Variants in PKD1L1 observed in about 807,000 individuals in gnomAD.
PKD1L1 encodes polycystin-1-like protein 1.
PKD1L1 carries 236 observed loss-of-function variants against 323.4 expected under a neutral mutation model. That is an observed-to-expected ratio of 0.73 (90% CI 0.66 to 0.81). The LOEUF (loss-of-function observed/expected upper bound fraction) is 0.81, where lower values mean the gene tolerates loss of function less well. PKD1L1 is among the 40% of genes least tolerant of loss of function. The pLI, the probability that PKD1L1 is intolerant of heterozygous loss-of-function variation, is 0.00. For synonymous variants in PKD1L1, 1,344 were observed against 1,335.0 expected (o/e 1.01, Z -0.15); for missense variants, 3,320 against 3,508.0 (o/e 0.95, Z 1.35).
chr7:47,934,293 C>A (rs1029400366), intron 4 of PKD1L1, among the ~76,000 whole-genome samples: 1 of 152,044 alleles, frequency 6.6e-6, no homozygotes, highest in Non-Finnish European at 1.5e-5. Flanking sequence ...TGGAAAAACA[C>A]AAACATGCGT....
intron 27 of PKD1L1, 103 bp from the exon 28 acceptor site, chr7:47,857,935 T>C (rs1357351489): frequency 2.7e-6 from 3 of 1,108,206 alleles, no homozygotes; most frequent in Non-Finnish European, 3.9e-6. Flanking sequence ...AAAGCCCATC[T>C]CAAGTTAGAT....
chr7:47,922,688 T>C, intron 7 of PKD1L1, among the ~76,000 whole-genome samples: 1 of 151,468 alleles, frequency 6.6e-6, no homozygotes, highest in African/African-American at 2.4e-5. Flanking sequence ...CTGCCCCGTC[T>C]GGGAAGTGAG....
At chr7:47,881,870 A>G in intron 20 of PKD1L1, 39 bp downstream of exon 20, 1 of 1,524,338 alleles carries the variant, frequency 6.6e-7, no homozygotes, top group Non-Finnish European at 8.8e-7. Context: ...AAGCTTCAGA[A>G]ACACTGCAAA....
chr7:47,809,436 G>A, intron 51 of PKD1L1, 37 bp downstream of exon 51: 1 of 1,409,298 alleles, frequency 7.1e-7, no homozygotes, highest in Non-Finnish European at 9.7e-7. Context: ...ACAGTTTATT[G>A]TTATTTTTCA....
At chr7:47,811,052 G>A (rs1021966199) in intron 50 of PKD1L1, among the ~76,000 whole-genome samples, 1 of 152,150 alleles carries the variant, frequency 6.6e-6, no homozygotes, top group African/African-American at 2.4e-5. Flanking sequence ...CCGTGAGAAG[G>A]CGGCCATCTC....
At chr7:47,931,060 G>C (rs762422738) in intron 6 of PKD1L1, 44 bp downstream of exon 6, 2 of 1,573,726 alleles carry the variant, frequency 1.3e-6, no homozygotes, top group Admixed American at 3.4e-5. Context: ...TCCAGACTGG[G>C]GATTGGAGAA....
chr7:47,865,251 G>C lies in PKD1L1; in HGVS notation c.4114C>G (p.Leu1372Val). 6.2e-7 allele frequency: 1 copy of C among 1,613,324 alleles called. No individual in the cohort carries two copies. Among genetic ancestry groups the C allele is most frequent in the Non-Finnish European group, 8.5e-7 (1 of 1,179,648 alleles). ...AAGCTCACGAGGTCCCTCAACATAA[G>C]AACAGAACCAATCATTTCTTCCTGA... ...VDQEEMIGSV[L>V]MLRDLVSFSN... Residue 1372 changes from leucine (L) to valine (V), a missense_variant, in exon 26 of 57, where the codon CTT (leucine) becomes GTT (valine). Coordinates refer to ENST00000289672, the MANE Select transcript of PKD1L1 (RefSeq NM_138295.5).
rs149645215 is a variant in PKD1L1, at chr7:47,883,354, C to T, written c.3265+1244G>A. 3.6e-3 allele frequency among the ~76,000 whole-genome samples: 545 copies of T among 152,304 alleles called. 7 individuals carry two copies. Among genetic ancestry groups the T allele is most frequent in the Non-Finnish European group, 5.5e-3 (375 of 68,032 alleles). On this transcript the variant is annotated intron_variant, in intron 19 of 56. Transcript: ENST00000289672. Reference sequence around the variant, plus strand: ...CCAGAACCACCCCCAACAAATCATCCTGGGCAACTAGAGACCACCCTTAGG... The same window carrying T: ...CCAGAACCACCCCCAACAAATCATCTTGGGCAACTAGAGACCACCCTTAGG...
chr7:47,879,845 A>G (rs1786496374), intron 21 of PKD1L1, among the ~76,000 whole-genome samples: 1 of 133,632 alleles, frequency 7.5e-6, no homozygotes, highest in Non-Finnish European at 1.6e-5. Flanking sequence ...AGGCAGGAGA[A>G]TGGCGTGAAC....
In PKD1L1 at chr7:47,787,895, C is replaced by T. The variant is rs182214342; in HGVS notation, c.8526+4732G>A. Among the ~76,000 whole-genome samples, 15 of 152,070 alleles carry T rather than the reference C, an allele frequency of 9.9e-5. No individual in the cohort carries two copies. In the Middle Eastern group the frequency reaches 0.014, roughly 138 times the overall value. On this transcript the variant is annotated intron_variant, in intron 56 of 56. Transcript: ENST00000289672. ...CCTGGCTAATTTTGTATTTTTTGTA[C>T]AGACAAGATCTCATCATGTTGCCCA...
At chr7:47,915,379 C>T in intron 8 of PKD1L1, 53 bp downstream of exon 8, 1 of 776,906 alleles carries the variant, frequency 1.3e-6, no homozygotes, top group Non-Finnish European at 2.4e-6. Flanking sequence ...TCCTGACAAA[C>T]AGCTTTATAT....
intron 17 of PKD1L1, 76 bp from the exon 18 acceptor site, chr7:47,886,130 T>G (rs1314709434): frequency 6.7e-7 from 1 of 1,502,330 alleles, no homozygotes; most frequent in Non-Finnish European, 8.9e-7. Flanking sequence ...CTACAGACTA[T>G]GTAAGGATGC....
chr7:47,938,085 G>T (rs1030668039), intron 3 of PKD1L1, among the ~76,000 whole-genome samples: 9 of 152,116 alleles, frequency 5.9e-5, no homozygotes, highest in Non-Finnish European at 1.2e-4. Flanking sequence ...CAGACTGAGG[G>T]CCCAGGGCCT....
At chr7:47,780,703 A>C (rs1334003239) in intron 56 of PKD1L1, among the ~76,000 whole-genome samples, 1 of 152,120 alleles carries the variant, frequency 6.6e-6, no homozygotes, top group Non-Finnish European at 1.5e-5. Flanking sequence ...CTCACTCAGC[A>C]TAATTCTCTG....
At chr7:47,880,678 G>T in intron 21 of PKD1L1, 50 bp downstream of exon 21, 1 of 1,422,976 alleles carries the variant, frequency 7.0e-7, no homozygotes. Flanking sequence ...TCACAGAGAC[G>T]CAGCAGGACT....
At chr7:47,959,481 C>T in the PKD1L1 span, among the ~76,000 whole-genome samples, 1 of 148,972 alleles carries the variant, frequency 6.7e-6, no homozygotes, top group Admixed American at 6.7e-5. Flanking sequence ...GCCGCCCCGT[C>T]TGGGATGTGA....
chr7:47,797,401 T>C (rs1784567350), intron 54 of PKD1L1, among the ~76,000 whole-genome samples: 1 of 152,242 alleles, frequency 6.6e-6, no homozygotes, highest in South Asian at 2.1e-4. Flanking sequence ...TTGTTCTTGA[T>C]TGGTCCCCAA....
rs769735498 is a variant in PKD1L1, at chr7:47,813,995, T to C, written c.7109A>G (p.Lys2370Arg). Residue 2370 changes from lysine to arginine, a missense_variant, in exon 48 of 57, where the codon AAA (lysine) becomes AGA (arginine). Physicochemically the swap from Lys to Arg is conservative, Grantham distance 26 (BLOSUM62 2). Transcript: ENST00000289672. ...TACGGAACTGCCTATTAGGTAGCAT[T>C]TTCCTCCAAGAGCTCCAGGCTGAAA... Reference protein sequence around the residue: ...PGAQPGALGGKCYLIGSSVIR... With the variant: ...PGAQPGALGGRCYLIGSSVIR... 8.1e-6 allele frequency: 13 copies of C among 1,613,914 alleles called. No individual in the cohort carries two copies. The highest frequency in any genetic ancestry group is 1.3e-5 in the African/African-American group (1 of 74,946).
At position 47,857,758 on chromosome 7, in the gene PKD1L1, G is replaced by A. The variant is rs368200352; in HGVS notation, c.4437C>T (p.Ser1479=). 1 of 1,614,040 alleles carries A rather than the reference G, an allele frequency of 6.2e-7. No homozygotes were observed. The highest frequency in any genetic ancestry group is 1.3e-5 in the African/African-American group (1 of 74,908). ...GGACAGATCCCAGGCTCTGGACAGAGCTCTGAAGGTTGTAATGAAGAAGGG... is the reference window on the plus strand; with the variant it reads ...GGACAGATCCCAGGCTCTGGACAGAACTCTGAAGGTTGTAATGAAGAAGGG... ...FRTLLHYNLQ[S]SVQSLGSVQV... is the part of the protein sequence containing the mutation. Residue 1479 remains serine (S), a synonymous_variant, in exon 28 of 57, where the codon AGC becomes AGT. Transcript: ENST00000289672.
Sources: allele counts gnomAD v4.1 joint callset (sites outside exome capture counted in the v4.1 genomes callset), GRCh38; gene constraint gnomAD v4.1.1; transcripts MANE v1.5; gene names NCBI Gene and HGNC (gene_info 2026-07-23, HGNC 2026-07-21).